ZCCHC14: variants seen among roughly 807,000 people sequenced by gnomAD.
ZCCHC14 encodes the protein zinc finger CCHC domain-containing protein 14.
Under a neutral mutation model 85.0 loss-of-function variants are expected in ZCCHC14, and 16 were observed. The ratio of observed to expected loss-of-function variants is 0.19; its 90% CI spans 0.13 to 0.29. The LOEUF is 0.29. Ranked by LOEUF, ZCCHC14 falls within the 10% of genes least tolerant of loss-of-function variation. The pLI, the probability that ZCCHC14 is intolerant of heterozygous loss-of-function variation, is 1.00. For synonymous variants in ZCCHC14, 775 were observed against 630.7 expected (o/e 1.23, Z -3.43); for missense variants, 1,303 against 1,443.5 (o/e 0.90, Z 1.58).
rs72491929 is a variant in ZCCHC14, at chr16:87,487,371, G to A, written c.570+4298C>T. ...CCCTGAGGATGCTGAAACACAAACG[G>A]CAGGGCCCTCACAGCTGCAGCTCAG... On this transcript the variant is annotated intron_variant, in intron 1 of 12. Coordinates refer to ENST00000671377, the MANE Select transcript of ZCCHC14 (RefSeq NM_015144.3). 9.6e-4 allele frequency among the ~76,000 whole-genome samples: 146 copies of A among 152,278 alleles called. 1 individual carries two copies. In the East Asian group the frequency reaches 0.027, roughly 29 times the overall value.
chr16:87,437,060 C>T lies in ZCCHC14; in HGVS notation c.695-3859G>A, dbSNP rs537224824. 5.9e-5 allele frequency among the ~76,000 whole-genome samples: 9 copies of T among 152,076 alleles called. No individual in the cohort carries two copies. In the South Asian group the frequency reaches 8.3e-4, roughly 14 times the overall value. ...GCAAATGCCTAGATAAATTCAGGGG[C>T]GGCCGGGAGCTCACACCTGTAATCC... On this transcript the variant is annotated intron_variant, in intron 2 of 12. Coordinates refer to ENST00000671377, the MANE Select transcript of ZCCHC14 (RefSeq NM_015144.3).
intron 2 of ZCCHC14, among the ~76,000 whole-genome samples, chr16:87,456,591 C>T (rs1210401563): frequency 8.0e-6 from 1 of 125,718 alleles, no homozygotes; most frequent in Non-Finnish European, 1.7e-5. Flanking sequence ...TTCTTGTCTT[C>T]TTAGAATTCA....
chr16:87,434,944 T>C (rs1024543356), intron 2 of ZCCHC14, among the ~76,000 whole-genome samples: 12 of 130,754 alleles, frequency 9.2e-5, no homozygotes, highest in Non-Finnish European at 1.7e-4. Context: ...TGAGCCGATA[T>C]CGCGCCATTG....
At chr16:87,467,061 T>C in intron 1 of ZCCHC14, 1 of 456,218 alleles carries the variant, frequency 2.2e-6, no homozygotes, top group Non-Finnish European at 3.9e-6. Context: ...TTTTTTTTTT[T>C]TACTAAAGAG....
At position 87,492,125 on chromosome 16, in the gene ZCCHC14, C is replaced by G; in HGVS notation, c.114G>C (p.Pro38=). 2 of 1,348,424 alleles carry G rather than the reference C, an allele frequency of 1.5e-6. No individual in the cohort carries two copies. The highest frequency in any genetic ancestry group is 1.9e-6 in the Non-Finnish European group (2 of 1,054,842). 83.5% of individuals were successfully genotyped at this position (1,348,424 alleles called of 1,614,324 possible). ...ACGAGCCGAGGAAGCGAAGCTCGAG[C>G]GGGATGCACAGGTCCAGCAGGCCGC... ...FLCGLLDLCI[P]LELRFLGSCL... The change falls in exon 1 of 13, where the codon CCG becomes CCC. Residue 38 remains proline, a synonymous_variant. Transcript: ENST00000671377. The surrounding 1 kb of genome is among the most constrained non-coding windows in gnomAD (Gnocchi z 6.7).
intron 1 of ZCCHC14, chr16:87,473,944 C>T (rs1911888659): frequency 6.6e-6 from 1 of 152,170 alleles, no homozygotes; most frequent in Non-Finnish European, 1.5e-5. Context: ...TCTTGGGACA[C>T]CCTATTATGA....
At chr16:87,487,770 C>T (rs1390101271) in intron 1 of ZCCHC14, among the ~76,000 whole-genome samples, 1 of 152,236 alleles carries the variant, frequency 6.6e-6, no homozygotes, top group Non-Finnish European at 1.5e-5. Flanking sequence ...GAGCACAGCT[C>T]GGCCTCTTCA....
chr16:87,467,128 C>A, intron 1 of ZCCHC14: 2 of 888,448 alleles, frequency 2.3e-6, no homozygotes, highest in South Asian at 1.5e-5. Context: ...CAAAAGTGGT[C>A]CTCCACCAGA....
intron 1 of ZCCHC14, among the ~76,000 whole-genome samples, chr16:87,487,556 C>T (rs1471231945): frequency 1.3e-5 from 2 of 152,238 alleles, no homozygotes; most frequent in African/African-American, 4.8e-5. Context: ...GCTCTGCACA[C>T]GGCACCTAGC....
chr16:87,466,124 C>G (rs944450714), intron 1 of ZCCHC14, among the ~76,000 whole-genome samples: 1 of 150,340 alleles, frequency 6.7e-6, no homozygotes, highest in Non-Finnish European at 1.5e-5. Context: ...CAGGTATTTA[C>G]GCTTTTTTTT....
rs1415669501 is a variant in ZCCHC14, at chr16:87,492,422, G to A, written c.-184C>T. On this transcript the variant is annotated 5_prime_UTR_variant, in exon 1 of 13. Transcript: ENST00000671377. The surrounding 1 kb of genome is among the most constrained non-coding windows in gnomAD (Gnocchi z 6.7). Reference sequence around the variant, plus strand: ...CGGGGCGGGGGCGGGGACCGGGGCCGGGCAAGGCTCCCGTCAGGGGCCGGC... The same window carrying A: ...CGGGGCGGGGGCGGGGACCGGGGCCAGGCAAGGCTCCCGTCAGGGGCCGGC... 2.8e-5 allele frequency: 4 copies of A among 145,044 alleles called. No individual in the cohort carries two copies. The highest frequency in any genetic ancestry group is 4.9e-5 in the African/African-American group (2 of 40,498). 9.0% of individuals were successfully genotyped at this position (145,044 alleles called of 1,614,324 possible).
At chr16:87,475,975 G>C (rs1453161781) in intron 1 of ZCCHC14, among the ~76,000 whole-genome samples, 1 of 152,198 alleles carries the variant, frequency 6.6e-6, no homozygotes. Context: ...ACCAAAGACA[G>C]TCCATCTTAA....
chr16:87,467,986 G>A (rs1353950376), intron 1 of ZCCHC14, among the ~76,000 whole-genome samples: 2 of 151,996 alleles, frequency 1.3e-5, no homozygotes, highest in African/African-American at 2.4e-5. Context: ...GAGCCACTGC[G>A]CCTGGCTCCC....
At chr16:87,415,170 A>G in intron 9 of ZCCHC14, 106 bp downstream of exon 9, 1 of 857,294 alleles carries the variant, frequency 1.2e-6, no homozygotes, top group Non-Finnish European at 1.9e-6. Context: ...GATAAGCAAC[A>G]GGAACTAATC....
At chr16:87,451,024 G>C (rs1328673135) in intron 2 of ZCCHC14, among the ~76,000 whole-genome samples, 1 of 146,962 alleles carries the variant, frequency 6.8e-6, no homozygotes, top group Non-Finnish European at 1.5e-5. Context: ...TTAGCCTCCC[G>C]AGTAGGTGGG....
At chr16:87,467,486 G>A (rs953055202) in intron 1 of ZCCHC14, 8 of 1,606,604 alleles carry the variant, frequency 5.0e-6, no homozygotes, top group East Asian at 2.2e-5. Context: ...GAGGACAGAT[G>A]TACCACTATG....
chr16:87,437,501 T>C (rs1454969198), intron 2 of ZCCHC14, among the ~76,000 whole-genome samples: 1 of 152,098 alleles, frequency 6.6e-6, no homozygotes, highest in East Asian at 1.9e-4. Context: ...CCACAGCGCG[T>C]GGCAGCCAAG....
chr16:87,424,150 A>AC (rs776973409), intron 3 of ZCCHC14, among the ~76,000 whole-genome samples: 14 of 152,208 alleles, frequency 9.2e-5, no homozygotes, highest in Non-Finnish European at 2.1e-4. Flanking sequence ...TGCCTCCTGT[A>AC]AGTTCTAGAA....
chr16:87,469,792 C>A (rs963888269), intron 1 of ZCCHC14, among the ~76,000 whole-genome samples: 6 of 152,172 alleles, frequency 3.9e-5, no homozygotes, highest in African/African-American at 1.4e-4. Flanking sequence ...TCTACAGCAT[C>A]TGCTGCACCC....
Sources: gnomAD v4.1 joint callset for allele counts (sites outside exome capture counted in the v4.1 genomes callset) on GRCh38, gnomAD v4.1.1 for gene constraint, Gnocchi (gnomAD v3.1) non-coding constraint, MANE v1.5 for transcripts, NCBI Gene and HGNC (gene_info 2026-07-23, HGNC 2026-07-21) for gene names.